Variants in ASH1L observed in about 807,000 individuals in gnomAD.
ASH1L encodes the protein ASH1 like histone lysine methyltransferase.
ASH1L carries 23 observed loss-of-function variants against 269.0 expected under a neutral mutation model. The observed-to-expected ratio is 0.09, with a 90% CI of 0.06 to 0.12. ASH1L has a LOEUF of 0.12. Ranked by LOEUF, ASH1L falls within the 10% of genes least tolerant of loss-of-function variation. ASH1L has a pLI of 1.00. For missense variants in ASH1L, 2,912 were observed against 3,567.8 expected, an observed-to-expected ratio of 0.82 and a Z score of 4.68; for synonymous variants, 1,187 against 1,253.5, an observed-to-expected ratio of 0.95 and a Z score of 1.12.
chr1:155,465,289 C>CAAAAAAAAAAAAAAAAAAAAAA (rs1171228344), intron 3 of ASH1L, among the ~76,000 whole-genome samples: 10 of 62,574 alleles, frequency 1.6e-4, no homozygotes, highest in Non-Finnish European at 1.9e-4. Flanking sequence ...TACAAATTAG[C>CAAAAAAAAAAAAAAAAAAAAAA]AAAAAAAAAA....
intron 6 of ASH1L, among the ~76,000 whole-genome samples, chr1:155,407,670 C>T (rs1343311637): frequency 1.3e-5 from 2 of 152,062 alleles, no homozygotes; most frequent in Non-Finnish European, 2.9e-5. Context: ...CCCAAATGTT[C>T]ATTAACTGAT....
intron 7 of ASH1L, among the ~76,000 whole-genome samples, chr1:155,384,566 AT>A (rs1275142735): frequency 6.6e-6 from 1 of 151,474 alleles, no homozygotes; most frequent in East Asian, 1.9e-4. Flanking sequence ...TGCCTGGCTA[AT>A]TTTTTTTGTA....
intron 7 of ASH1L, among the ~76,000 whole-genome samples, chr1:155,382,150 G>A (rs553110244): frequency 6.6e-6 from 1 of 151,164 alleles, no homozygotes; most frequent in East Asian, 2.0e-4. Context: ...AGGTTGCAGT[G>A]AGCCCAGATC....
chr1:155,354,537 A>G lies in ASH1L; in HGVS notation c.7149T>C (p.Ile2383=). ...AACGGGTATATAATGATGCTGAGTG[A>G]ATATTATCACTGGTGTGCTTTACTT... is the stretch of plus-strand genomic sequence containing the variant. ...QEEVKHTSDN[I]HSASLYTRWN... The change falls in exon 16 of 28, where the codon ATT becomes ATC. Residue 2383 remains isoleucine (I), a synonymous_variant. Coordinates refer to ENST00000392403, the MANE Select transcript of ASH1L (RefSeq NM_018489.3). 1 of 1,614,016 alleles carries G rather than the reference A, an allele frequency of 6.2e-7. No homozygotes were observed. Among genetic ancestry groups the G allele is most frequent in the Non-Finnish European group, 8.5e-7 (1 of 1,179,952 alleles).
intron 7 of ASH1L, 111 bp from the exon 8 acceptor site, chr1:155,380,227 ATTCT>A: frequency 1.3e-6 from 1 of 750,758 alleles, no homozygotes; most frequent in Non-Finnish European, 2.1e-6. Context: ...TAAAGATTTA[ATTCT>A]TTAAGGATTT....
At chr1:155,362,208 A>G (rs183141614) in intron 12 of ASH1L, among the ~76,000 whole-genome samples, 2 of 151,716 alleles carry the variant, frequency 1.3e-5, no homozygotes, top group Admixed American at 6.6e-5. Flanking sequence ...CTACTTTTTC[A>G]TATTTTTAGT....
At chr1:155,392,358 C>T (rs934260372) in intron 7 of ASH1L, among the ~76,000 whole-genome samples, 1 of 152,124 alleles carries the variant, frequency 6.6e-6, no homozygotes, top group Non-Finnish European at 1.5e-5. Flanking sequence ...GCTATACAAG[C>T]GGGAAATGCA....
intron 5 of ASH1L, among the ~76,000 whole-genome samples, chr1:155,431,256 T>C (rs1309604554): frequency 2.0e-5 from 3 of 151,042 alleles, no homozygotes; most frequent in African/African-American, 2.4e-5. Flanking sequence ...ATATACATTA[T>C]AAGATACATA....
chr1:155,540,407 A>G (rs1229367799), intron 1 of ASH1L, among the ~76,000 whole-genome samples: 2 of 152,190 alleles, frequency 1.3e-5, no homozygotes, highest in South Asian at 2.1e-4. Context: ...CTGCCCCTAC[A>G]TATCTCTGGC....
intron 2 of ASH1L, among the ~76,000 whole-genome samples, chr1:155,484,359 C>T (rs1159525697): frequency 1.3e-5 from 2 of 151,426 alleles, no homozygotes; most frequent in Non-Finnish European, 2.9e-5. Flanking sequence ...GCTGGTGGCA[C>T]GTGCCTGTTA....
intron 3 of ASH1L, among the ~76,000 whole-genome samples, chr1:155,470,552 C>CTTTT (rs112676810): frequency 1.5e-5 from 2 of 137,484 alleles, no homozygotes; most frequent in Non-Finnish European, 3.1e-5. Context: ...CAGAAATTAC[C>CTTTT]TTTTTTTTTT....
At chr1:155,539,299 A>G (rs993799844) in intron 1 of ASH1L, among the ~76,000 whole-genome samples, 14 of 152,092 alleles carry the variant, frequency 9.2e-5, no homozygotes, top group African/African-American at 3.4e-4. Flanking sequence ...GTGATTACAT[A>G]GAGTTCCTCT....
At chr1:155,386,505 C>T (rs938224129) in intron 7 of ASH1L, among the ~76,000 whole-genome samples, 3 of 151,932 alleles carry the variant, frequency 2.0e-5, no homozygotes, top group Admixed American at 6.6e-5. Flanking sequence ...TCTGTCTCAG[C>T]CTCCTGAATA....
At chr1:155,490,974 A>T (rs1419388092) in intron 2 of ASH1L, among the ~76,000 whole-genome samples, 1 of 3,992 alleles carries the variant, frequency 2.5e-4, no homozygotes, top group Non-Finnish European at 1.6e-3. Context: ...ATTCCAAAAA[A>T]AAAAAAAAAA....
intron 1 of ASH1L, among the ~76,000 whole-genome samples, chr1:155,551,339 G>A (rs964934144): frequency 2.2e-4 from 33 of 152,018 alleles, no homozygotes; most frequent in Admixed American, 9.8e-4. Flanking sequence ...CATATACCAG[G>A]AATTTCTTCA....
At chr1:155,533,147 A>C (rs1669804871) in intron 1 of ASH1L, among the ~76,000 whole-genome samples, 1 of 152,046 alleles carries the variant, frequency 6.6e-6, no homozygotes, top group African/African-American at 2.4e-5. Flanking sequence ...AAACAATATA[A>C]AATCAACCAA....
chr1:155,411,737 T>A (rs1659827663), intron 6 of ASH1L, among the ~76,000 whole-genome samples: 1 of 149,912 alleles, frequency 6.7e-6, no homozygotes, highest in East Asian at 2.0e-4. Flanking sequence ...TCTCCTGTCT[T>A]CCTTTCACCT....
chr1:155,416,528 CTTTCT>C (rs1447949296), intron 5 of ASH1L, among the ~76,000 whole-genome samples: 5 of 151,946 alleles, frequency 3.3e-5, no homozygotes, highest in South Asian at 2.1e-4. Flanking sequence ...ACCACCTTGC[CTTTCT>C]TTTATCTTTT....
intron 5 of ASH1L, among the ~76,000 whole-genome samples, chr1:155,416,271 C>G (rs1010963656): frequency 2.0e-5 from 3 of 151,996 alleles, no homozygotes; most frequent in Non-Finnish European, 2.9e-5. Flanking sequence ...GCTGATATTA[C>G]AGGGGCACGC....
Sources: allele counts gnomAD v4.1 joint callset (sites outside exome capture counted in the v4.1 genomes callset), GRCh38; gene constraint gnomAD v4.1.1; transcripts MANE v1.5; gene names NCBI Gene and HGNC (gene_info 2026-07-23, HGNC 2026-07-21).